Variants in CSMD1 observed in about 807,000 individuals in gnomAD.
The protein encoded by CSMD1 is CUB and sushi domain-containing protein 1.
CSMD1 carries 213 observed loss-of-function variants against 417.5 expected under a neutral mutation model. That is an observed-to-expected ratio of 0.51 (90% CI 0.46 to 0.57). CSMD1 has a LOEUF of 0.57. Among genes scored for constraint, CSMD1 ranks in the 20% least tolerant of loss-of-function variants. The pLI is 0.00. For missense variants in CSMD1, 6,923 were observed against 4,529.7 expected (o/e 1.53, Z -15.17); for synonymous variants, 2,862 against 1,736.8 (o/e 1.65, Z -16.11).
At chr8:4,388,622 G>A (rs1399226113) in intron 3 of CSMD1, among the ~76,000 whole-genome samples, 1 of 151,992 alleles carries the variant, frequency 6.6e-6, no homozygotes, top group African/African-American at 2.4e-5. Flanking sequence ...GGTGGTGGGT[G>A]CACCAAAATC....
At chr8:4,305,062 T>C (rs1420955021) in intron 3 of CSMD1, among the ~76,000 whole-genome samples, 1 of 152,148 alleles carries the variant, frequency 6.6e-6, no homozygotes, top group Non-Finnish European at 1.5e-5. Flanking sequence ...AGGCACCTAT[T>C]CGTTTTAGGG....
chr8:3,605,356 A>T (rs1008630894), intron 8 of CSMD1, among the ~76,000 whole-genome samples: 2 of 152,238 alleles, frequency 1.3e-5, no homozygotes, highest in East Asian at 3.8e-4. Flanking sequence ...CATAAGTGCA[A>T]TTCTTTACAT....
intron 1 of CSMD1, among the ~76,000 whole-genome samples, chr8:4,705,589 T>C (rs971052470): frequency 9.8e-5 from 15 of 152,338 alleles, no homozygotes; most frequent in South Asian, 8.3e-4. Context: ...GGAGTACTTA[T>C]TGAACAGATA....
chr8:3,671,864 C>T (rs778473601), intron 7 of CSMD1, among the ~76,000 whole-genome samples: 1 of 152,028 alleles, frequency 6.6e-6, no homozygotes, highest in Non-Finnish European at 1.5e-5. Context: ...CTGTCACCAC[C>T]TCTATCACTG....
chr8:3,080,693 A>G (rs980282346), intron 49 of CSMD1, among the ~76,000 whole-genome samples: 2 of 152,178 alleles, frequency 1.3e-5, no homozygotes, highest in Admixed American at 1.3e-4. Flanking sequence ...CCTAACAATC[A>G]TAATTGGCAT....
At chr8:4,594,673 A>G (rs1055099854) in intron 2 of CSMD1, among the ~76,000 whole-genome samples, 1 of 152,192 alleles carries the variant, frequency 6.6e-6, no homozygotes, top group Admixed American at 6.5e-5. Flanking sequence ...TCTGCTGCCC[A>G]TGTGTTGCCT....
At chr8:4,982,570 A>G (rs1460467972) in intron 1 of CSMD1, among the ~76,000 whole-genome samples, 2 of 152,200 alleles carry the variant, frequency 1.3e-5, no homozygotes, top group Admixed American at 1.3e-4. Context: ...TAACTTAGGT[A>G]CTTCTTTCTT....
At chr8:3,941,541 C>G (rs1810883353) in intron 5 of CSMD1, among the ~76,000 whole-genome samples, 1 of 152,116 alleles carries the variant, frequency 6.6e-6, no homozygotes, top group Admixed American at 6.5e-5. Context: ...AGTGCTCTCT[C>G]TCCGAGCAGT....
intron 5 of CSMD1, among the ~76,000 whole-genome samples, chr8:3,768,649 G>T (rs996706594): frequency 6.6e-6 from 1 of 152,140 alleles, no homozygotes; most frequent in Non-Finnish European, 1.5e-5. Context: ...ACTTGCTCCA[G>T]AAGCTCAGAA....
chr8:3,433,730 A>C (rs1182362776), intron 12 of CSMD1, among the ~76,000 whole-genome samples: 2 of 152,138 alleles, frequency 1.3e-5, no homozygotes, highest in East Asian at 3.9e-4. Flanking sequence ...TTCTAATCTG[A>C]AGTTAAATTC....
chr8:3,645,097 T>C (rs910226999), intron 7 of CSMD1, among the ~76,000 whole-genome samples: 1 of 152,074 alleles, frequency 6.6e-6, no homozygotes, highest in Non-Finnish European at 1.5e-5. Context: ...GCACAACTTC[T>C]GTCCTGAAGC....
At position 4,033,130 on chromosome 8, in the gene CSMD1, G is replaced by GAAA. The variant is rs58668077; in HGVS notation, c.416-1034_416-1032dup. On this transcript the variant is annotated intron_variant, in intron 3 of 69. Coordinates refer to ENST00000635120, the MANE Select transcript of CSMD1 (RefSeq NM_033225.6). ...AACTCTTGCAATTAATTTCCAATAT[G>GAAA]AAAAAAAAAAAAAAAAAAAAAAAAA... 3.8e-3 allele frequency among the ~76,000 whole-genome samples: 310 copies of GAAA among 80,596 alleles called. 9 individuals carry two copies. Among genetic ancestry groups the GAAA allele is most frequent in the African/African-American group, 0.012 (242 of 19,486 alleles). The allele number at this position is 80,596 out of a possible 152,430, so 52.9% of individuals were successfully genotyped here.
intron 2 of CSMD1, among the ~76,000 whole-genome samples, chr8:4,441,095 G>GTTTTTTTTTTTCTTTTT (rs1798445115): frequency 1.9e-5 from 1 of 51,296 alleles, no homozygotes; most frequent in African/African-American, 6.7e-5. Flanking sequence ...TAATCAAAAG[G>GTTTTTTTTTTTCTTTTT]TTTTTTTTTT....
intron 7 of CSMD1, among the ~76,000 whole-genome samples, chr8:3,667,716 T>C (rs912931511): frequency 3.9e-5 from 6 of 152,194 alleles, no homozygotes; most frequent in Non-Finnish European, 5.9e-5. Flanking sequence ...AGAGGATTAG[T>C]AGTTACTCAT....
chr8:4,340,326 T>G (rs576528977), intron 3 of CSMD1, among the ~76,000 whole-genome samples: 20 of 152,152 alleles, frequency 1.3e-4, no homozygotes, highest in African/African-American at 4.3e-4. Context: ...ACCCTTACAT[T>G]GGCTGGGATG....
chr8:4,444,017 G>A (rs1798634840), intron 2 of CSMD1, among the ~76,000 whole-genome samples: 1 of 152,108 alleles, frequency 6.6e-6, no homozygotes, highest in Non-Finnish European at 1.5e-5. Context: ...ACATGTTAAG[G>A]AAGGAAAACA....
intron 3 of CSMD1, among the ~76,000 whole-genome samples, chr8:4,308,827 A>G (rs1188773994): frequency 6.6e-6 from 1 of 152,208 alleles, no homozygotes; most frequent in Non-Finnish European, 1.5e-5. Context: ...TCCTTCATTT[A>G]TGAAGCAATG....
chr8:4,138,991 G>C (rs1803609398), intron 3 of CSMD1, among the ~76,000 whole-genome samples: 1 of 152,140 alleles, frequency 6.6e-6, no homozygotes, highest in East Asian at 1.9e-4. Context: ...GCTGTGGGTT[G>C]ACTGTACGGC....
rs1220130041 is a variant in CSMD1, at chr8:3,343,435, C to T, written c.3490G>A (p.Asp1164Asn). ...GDTLKVYDGK[D>N]SSSRPLGTFT... is the part of the protein sequence containing the mutation. ...GTGCCCAGTGGACGTGAGGAACTGT[C>T]TTTTCCATCATATACCTGATGAAAA... Residue 1164 changes from aspartate to asparagine, a missense_variant, in exon 23 of 70, where the codon GAC becomes AAC. Physicochemically the swap from Asp to Asn is conservative, Grantham distance 23 (BLOSUM62 1). Transcript: ENST00000635120. The T allele has an allele frequency of 1.2e-6, 2 of 1,613,522 alleles. No homozygotes were observed. The highest frequency in any genetic ancestry group is 1.7e-6 in the Non-Finnish European group (2 of 1,179,666).
Sources: gnomAD v4.1 joint callset for allele counts (sites outside exome capture counted in the v4.1 genomes callset) on GRCh38, gnomAD v4.1.1 for gene constraint, MANE v1.5 for transcripts, NCBI Gene and HGNC (gene_info 2026-07-23, HGNC 2026-07-21) for gene names.